The following MCF2L2 variants were observed in gnomAD, a reference collection of about 807,000 sequenced individuals.
The protein encoded by MCF2L2 is MCF.2 cell line derived transforming sequence-like 2.
Under a neutral mutation model 150.2 loss-of-function variants are expected in MCF2L2, and 102 were observed. That is an observed-to-expected ratio of 0.68 (90% CI 0.58 to 0.80). The LOEUF (loss-of-function observed/expected upper bound fraction) is 0.80. Among genes scored for constraint, MCF2L2 ranks in the 30% least tolerant of loss-of-function variants. The pLI is 0.00. For synonymous variants in MCF2L2, 465 were observed against 491.3 expected (o/e 0.95, Z 0.71); for missense variants, 1,256 against 1,372.8 (o/e 0.91, Z 1.34).
chr3:183,241,227 G>GT (rs1416516347), intron 15 of MCF2L2, among the ~76,000 whole-genome samples: 2 of 152,182 alleles, frequency 1.3e-5, no homozygotes, highest in Admixed American at 6.5e-5. Flanking sequence ...TAAATAAAAA[G>GT]TTTTTTAAAA....
intron 15 of MCF2L2, among the ~76,000 whole-genome samples, chr3:183,248,452 T>G (rs575410846): frequency 6.6e-6 from 1 of 152,318 alleles, no homozygotes; most frequent in African/African-American, 2.4e-5. Context: ...TTTTGGAAAT[T>G]GGTTGAGTGG....
intron 27 of MCF2L2, 126 bp from the exon 28 acceptor site, chr3:183,180,285 C>T: frequency 1.4e-6 from 1 of 698,710 alleles, no homozygotes. Flanking sequence ...CTCCTGCTCT[C>T]CAAGGGCCTG....
chr3:183,301,702 G>A (rs1728855607), intron 10 of MCF2L2, among the ~76,000 whole-genome samples: 1 of 151,504 alleles, frequency 6.6e-6, no homozygotes, highest in Admixed American at 6.6e-5. Flanking sequence ...AGCTGAGGCA[G>A]GAGAATTGCT....
chr3:183,344,777 C>T (rs1290713556), intron 3 of MCF2L2, among the ~76,000 whole-genome samples: 3 of 152,048 alleles, frequency 2.0e-5, no homozygotes, highest in Non-Finnish European at 4.4e-5. Context: ...GGTTGCAATC[C>T]TAGTCTCTGA....
Position 183,278,439 on chromosome 3 carries a change from T to TGA in MCF2L2, c.1777-1483_1777-1482insTC, listed in dbSNP as rs747109850. Among the ~76,000 whole-genome samples the TGA allele has an allele frequency of 9.7e-3, 1,479 of 152,168 alleles. 10 individuals carry two copies. The highest frequency in any genetic ancestry group is 0.017 in the Non-Finnish European group (1,156 of 67,992). ...CAGTCCCAGTCAAATTCAATCTAATTATTTTCACCACACTACCAAAAGTCT... is the reference window on the plus strand; with the variant it reads ...CAGTCCCAGTCAAATTCAATCTAATTGAATTTTCACCACACTACCAAAAGTCT... On this transcript the variant is annotated intron_variant, in intron 14 of 29. Transcript: ENST00000328913.
Position 183,357,090 on chromosome 3 carries a change from G to GC in MCF2L2, c.276-15461_276-15460insG, listed in dbSNP as rs1711830818. ...TGAAAGCATTAGTGATCTGAAATCA[G>GC]TGATTTGAAGTTTATCAAAAATAAA... On this transcript the variant is annotated intron_variant, in intron 3 of 29. Transcript: ENST00000328913. 5.3e-5 allele frequency among the ~76,000 whole-genome samples: 8 copies of GC among 152,274 alleles called. No homozygotes were observed. The South Asian group carries it at 1.2e-3, about 24-fold the overall frequency.
In MCF2L2 at chr3:183,320,514, C is replaced by A. The variant is rs1415858117; in HGVS notation, c.604-2297G>T. ...GAATTCCTTCCTTAAACCTCACAAA[C>A]CAACCCCTGCTAGCTTCAAACTTTT... On this transcript the variant is annotated intron_variant, in intron 6 of 29. Coordinates refer to ENST00000328913, the MANE Select transcript of MCF2L2 (RefSeq NM_015078.4). Among the ~76,000 whole-genome samples, 21 of 152,196 alleles carry A rather than the reference C, an allele frequency of 1.4e-4. 1 individual carries two copies. The highest frequency in any genetic ancestry group is 1.4e-3 in the Admixed American group (21 of 15,280).
intron 15 of MCF2L2, among the ~76,000 whole-genome samples, chr3:183,257,451 A>G (rs1453038463): frequency 2.0e-5 from 3 of 152,216 alleles, no homozygotes. Flanking sequence ...GTATGTGATA[A>G]GTTAATGTTT....
chr3:183,420,330 G>A lies in MCF2L2; in HGVS notation c.76+7572C>T, dbSNP rs1208339835. ...ATAAAGATACAACCTGGCCAGGTGC[G>A]GTGGCTCATGCCTGTAATCCCAGCA... is the stretch of plus-strand genomic sequence containing the variant. On this transcript the variant is annotated intron_variant, in intron 1 of 29. Transcript: ENST00000328913. Among the ~76,000 whole-genome samples, 5 of 152,154 alleles carry A rather than the reference G, an allele frequency of 3.3e-5. No individual in the cohort carries two copies. The South Asian group carries it at 8.3e-4, about 25-fold the overall frequency.
chr3:183,385,726 A>T (rs1239878787), intron 2 of MCF2L2, among the ~76,000 whole-genome samples: 1 of 152,192 alleles, frequency 6.6e-6, no homozygotes, highest in East Asian at 1.9e-4. Flanking sequence ...ATTCACTCCC[A>T]GTCCCCTTTT....
chr3:183,250,116 G>A (rs1326458914), intron 15 of MCF2L2, among the ~76,000 whole-genome samples: 1 of 152,204 alleles, frequency 6.6e-6, no homozygotes, highest in Non-Finnish European at 1.5e-5. Context: ...AACAGCCTGG[G>A]CTGGGTCACT....
chr3:183,298,357 A>G (rs1279960031), intron 11 of MCF2L2: 2 of 152,216 alleles, frequency 1.3e-5, no homozygotes, highest in Admixed American at 6.5e-5. Flanking sequence ...AACTATACAG[A>G]GAAAAAAGAT....
intron 3 of MCF2L2, among the ~76,000 whole-genome samples, chr3:183,361,828 G>A (rs1297622060): frequency 6.6e-6 from 1 of 152,190 alleles, no homozygotes; most frequent in Non-Finnish European, 1.5e-5. Context: ...TAGCATGTAA[G>A]TTCAGATTCA....
chr3:183,382,103 G>A (rs1215132970), intron 2 of MCF2L2, among the ~76,000 whole-genome samples: 1 of 151,864 alleles, frequency 6.6e-6, no homozygotes, highest in African/African-American at 2.4e-5. Flanking sequence ...CTGTCACCCA[G>A]GCTAGACTGC....
At chr3:183,293,778 T>A (rs1186545922) in intron 13 of MCF2L2, among the ~76,000 whole-genome samples, 1 of 152,130 alleles carries the variant, frequency 6.6e-6, no homozygotes, top group African/African-American at 2.4e-5. Flanking sequence ...AGTAAAAGCA[T>A]CCCTATTCAC....
At position 183,428,194 on chromosome 3, in the gene MCF2L2, C is replaced by A; in HGVS notation, c.-217G>T. On this transcript the variant is annotated 5_prime_UTR_variant, in exon 1 of 30. Transcript: ENST00000328913. The surrounding 1 kb of genome is among the most constrained non-coding windows in gnomAD (Gnocchi z 5.1). ...GTGACAGACCAAGTCTGGCGCTTTC[C>A]CAGCGTCGCAGCTGGACCGAGAGAG... The A allele has an allele frequency of 1.9e-6, 1 of 531,144 alleles. No homozygotes were observed. Among genetic ancestry groups the A allele is most frequent in the South Asian group, 2.4e-5 (1 of 41,330 alleles). 32.9% of individuals were successfully genotyped at this position (531,144 alleles called of 1,614,324 possible). A position where few individuals can be genotyped will look rare whatever the true frequency, so the allele number is the denominator to read the frequency against.
intron 11 of MCF2L2, chr3:183,297,857 T>A (rs1431249574): frequency 3.9e-5 from 6 of 152,248 alleles, no homozygotes; most frequent in Non-Finnish European, 2.9e-5. Flanking sequence ...CTTAGGCTGG[T>A]CTAACCATAG....
At chr3:183,245,073 C>T (rs1046541092) in intron 15 of MCF2L2, among the ~76,000 whole-genome samples, 17 of 152,110 alleles carry the variant, frequency 1.1e-4, no homozygotes, top group Admixed American at 1.3e-4. Flanking sequence ...AACTTGACTT[C>T]CCCTCTTGGC....
intron 1 of MCF2L2, among the ~76,000 whole-genome samples, chr3:183,424,431 G>C (rs1261454375): frequency 1.3e-5 from 2 of 152,182 alleles, no homozygotes; most frequent in African/African-American, 4.8e-5. Flanking sequence ...CCTTAAAAGT[G>C]TAAAAACTGC....
Sources: allele counts gnomAD v4.1 joint callset (sites outside exome capture counted in the v4.1 genomes callset), GRCh38; gene constraint gnomAD v4.1.1; non-coding constraint Gnocchi (gnomAD v3.1); transcripts MANE v1.5; gene names NCBI Gene and HGNC (gene_info 2026-07-23, HGNC 2026-07-21).